The following HSPA12A variants were observed in gnomAD, a reference collection of about 807,000 sequenced individuals.
HSPA12A encodes heat shock protein family A (Hsp70) member 12A, also known as heat shock 70 kDa protein 12A.
In HSPA12A, 28 loss-of-function variants were observed where a neutral mutation model predicts 69.2. That is an observed-to-expected ratio of 0.40 (90% CI 0.30 to 0.55). The LOEUF (loss-of-function observed/expected upper bound fraction) is 0.55, where lower values mean the gene tolerates loss of function less well. Ranked by LOEUF, HSPA12A falls within the 20% of genes least tolerant of loss-of-function variation. The pLI is 0.38. For synonymous variants in HSPA12A, 345 were observed against 370.5 expected, an observed-to-expected ratio of 0.93 and a Z score of 0.79; for missense variants, 686 against 900.7, an observed-to-expected ratio of 0.76 and a Z score of 3.05.
intron 2 of HSPA12A, among the ~76,000 whole-genome samples, chr10:116,766,126 C>T (rs782752594): frequency 2.0e-5 from 3 of 152,198 alleles, no homozygotes; most frequent in Non-Finnish European, 4.4e-5. Context: ...CCTTGTCCAC[C>T]TTCAGTGCTG....
chr10:116,797,733 C>T (rs1218389085), intron 2 of HSPA12A, among the ~76,000 whole-genome samples: 1 of 152,182 alleles, frequency 6.6e-6, no homozygotes, highest in Non-Finnish European at 1.5e-5. Context: ...GCGTCAACTG[C>T]TGAGAGCTGT....
intron 2 of HSPA12A, among the ~76,000 whole-genome samples, chr10:116,751,628 AG>A (rs1851778481): frequency 6.6e-6 from 1 of 152,240 alleles, no homozygotes; most frequent in Non-Finnish European, 1.5e-5. Flanking sequence ...CAGGAAAAAC[AG>A]TAACAGTTGC....
chr10:116,732,601 A>G (rs1458880573), intron 1 of HSPA12A, among the ~76,000 whole-genome samples: 1 of 152,250 alleles, frequency 6.6e-6, no homozygotes, highest in African/African-American at 2.4e-5. Context: ...GGAACACACA[A>G]GAGACTAGAA....
At chr10:116,721,601 G>A (rs1279497680) in intron 1 of HSPA12A, among the ~76,000 whole-genome samples, 6 of 152,088 alleles carry the variant, frequency 3.9e-5, no homozygotes, top group East Asian at 1.9e-4. Flanking sequence ...ACGAAAACCC[G>A]GGTGTGCGTG....
intron 2 of HSPA12A, among the ~76,000 whole-genome samples, chr10:116,827,951 G>A (rs868727719): frequency 6.6e-6 from 1 of 152,146 alleles, no homozygotes; most frequent in African/African-American, 2.4e-5. Context: ...TTTGTTCTGC[G>A]ACTGGGAAGC....
intron 2 of HSPA12A, among the ~76,000 whole-genome samples, chr10:116,825,706 G>C (rs1474863378): frequency 6.6e-6 from 1 of 152,182 alleles, no homozygotes; most frequent in East Asian, 1.9e-4. Flanking sequence ...ATTGGTGGGG[G>C]AAACGAGGAG....
At chr10:116,790,198 G>T (rs1041896875) in intron 2 of HSPA12A, among the ~76,000 whole-genome samples, 110 of 148,674 alleles carry the variant, frequency 7.4e-4, no homozygotes, top group African/African-American at 2.5e-3. Flanking sequence ...GCGCCCTGGG[G>T]GTTCACGCCA....
intron 2 of HSPA12A, among the ~76,000 whole-genome samples, chr10:116,819,414 G>C (rs1845368820): frequency 6.6e-6 from 1 of 152,174 alleles, no homozygotes; most frequent in South Asian, 2.1e-4. Context: ...TTCCCAGTGT[G>C]CTTGTATTAA....
intron 2 of HSPA12A, among the ~76,000 whole-genome samples, chr10:116,807,844 A>G (rs1394406084): frequency 1.3e-5 from 2 of 152,094 alleles, no homozygotes; most frequent in Non-Finnish European, 2.9e-5. Context: ...CTCCTCATTC[A>G]CAGCCTGGCT....
At chr10:116,730,243 A>C (rs566465801) in intron 1 of HSPA12A, among the ~76,000 whole-genome samples, 4 of 152,318 alleles carry the variant, frequency 2.6e-5, no homozygotes, top group African/African-American at 7.2e-5. Flanking sequence ...GTGTAGGACA[A>C]ATTCTTTATA....
chr10:116,731,255 C>T (rs1851144331), intron 1 of HSPA12A, among the ~76,000 whole-genome samples: 1 of 152,152 alleles, frequency 6.6e-6, no homozygotes, highest in African/African-American at 2.4e-5. Flanking sequence ...CCTTCTCTGG[C>T]CAGAGGAAGC....
intron 2 of HSPA12A, among the ~76,000 whole-genome samples, chr10:116,789,511 G>A (rs1318742954): frequency 2.0e-5 from 3 of 152,028 alleles, no homozygotes; most frequent in Admixed American, 6.6e-5. Context: ...ATAGAATTCT[G>A]AATCCTGAAT....
chr10:116,693,469 G>A (rs917476), intron 5 of HSPA12A, among the ~76,000 whole-genome samples: 8,539 of 152,174 alleles, frequency 0.056, 417 homozygotes, highest in East Asian at 0.27. Flanking sequence ...ACACATGAGG[G>A]AATGCTGGCC....
At chr10:116,773,420 G>A (rs1844258651) in intron 2 of HSPA12A, among the ~76,000 whole-genome samples, 1 of 152,254 alleles carries the variant, frequency 6.6e-6, no homozygotes, top group Admixed American at 6.5e-5. Flanking sequence ...CAGGACAGGA[G>A]GCCTGGGAGC....
chr10:116,676,621 G>T, intron 10 of HSPA12A, 119 bp from the exon 11 acceptor site: 2 of 782,780 alleles, frequency 2.6e-6, no homozygotes, highest in Non-Finnish European at 4.2e-6. Context: ...CAGAAAGGGG[G>T]TTGAAAGCCA....
intron 10 of HSPA12A, among the ~76,000 whole-genome samples, chr10:116,677,732 G>A (rs1476408689): frequency 6.6e-6 from 1 of 152,166 alleles, no homozygotes; most frequent in Non-Finnish European, 1.5e-5. Flanking sequence ...TGAGCCAAGA[G>A]TGTCTTCACA....
At chr10:116,744,755 T>C (rs1203720676), upstream of HSPA12A, among the ~76,000 whole-genome samples, 6 of 152,234 alleles carry the variant, frequency 3.9e-5, no homozygotes, top group Non-Finnish European at 8.8e-5. Flanking sequence ...ATGGTGGCCC[T>C]TGCGGTTTTG....
intron 2 of HSPA12A, among the ~76,000 whole-genome samples, chr10:116,805,345 G>C (rs139047688): frequency 6.6e-6 from 1 of 152,056 alleles, no homozygotes; most frequent in African/African-American, 2.4e-5. Flanking sequence ...GGAATTTTCA[G>C]GTAGTTCTAT....
intron 2 of HSPA12A, among the ~76,000 whole-genome samples, chr10:116,706,276 G>A (rs1437980666): frequency 1.3e-5 from 2 of 151,828 alleles, no homozygotes; most frequent in East Asian, 3.9e-4. Flanking sequence ...AATGTTGGAG[G>A]GGAGGGGTGA....
Sources: gnomAD v4.1 joint callset for allele counts (sites outside exome capture counted in the v4.1 genomes callset) on GRCh38, gnomAD v4.1.1 for gene constraint, MANE v1.5 for transcripts, NCBI Gene and HGNC (gene_info 2026-07-23, HGNC 2026-07-21) for gene names.